Variants in TP53INP2 observed in about 807,000 individuals in gnomAD.
TP53INP2 encodes tumor protein p53-inducible nuclear protein 2.
A neutral mutation model predicts 17.1 loss-of-function variants in TP53INP2; 12 were observed. The observed-to-expected ratio is 0.70, with a 90% CI of 0.45 to 1.14. The LOEUF (loss-of-function observed/expected upper bound fraction) is 1.14. TP53INP2 is among the 50% of genes most tolerant of loss of function. The probability of loss-of-function intolerance (pLI) is 0.00; values close to 1 mark genes in which losing one functional copy is unlikely to be tolerated. For missense variants in TP53INP2, 342 were observed against 330.9 expected (o/e 1.03, Z -0.26); for synonymous variants, 145 against 147.3 (o/e 0.98, Z 0.12).
rs1481363308 is a variant in TP53INP2 at position 34,709,263 on chromosome 20, G to A, written c.152G>A (p.Gly51Glu). ...AGCTACGCGGCTCCACCCAGCCCCG[G>A]GGCCGCCCCTGCCCCCGCGGGCCGC... ...PDSYAAPPSP[G>E]AAPAPAGRPP... Residue 51 changes from glycine to glutamate, a missense_variant, in exon 4 of 5, where the codon GGG becomes GAG. Transcript: ENST00000374810. This position sits in a 1 kb window ranked among gnomAD's most constrained non-coding sequence, Gnocchi z 5.4. 1.9e-6 allele frequency: 3 copies of A among 1,584,852 alleles called. No individual in the cohort carries two copies. The highest frequency in any genetic ancestry group is 2.6e-6 in the Non-Finnish European group (3 of 1,165,512).
rs944278446 is a variant in TP53INP2 at position 34,712,508 on chromosome 20, G to A, written c.*2201G>A. The A allele has an allele frequency of 5.9e-5, 9 of 152,542 alleles. No homozygotes were observed. Among genetic ancestry groups the A allele is most frequent in the Admixed American group, 5.2e-4 (8 of 15,280 alleles). The allele number at this position is 152,542 out of a possible 1,614,324, so 9.4% of individuals were successfully genotyped here. A position where few individuals can be genotyped will look rare whatever the true frequency, so the allele number is the denominator to read the frequency against. On this transcript the variant is annotated 3_prime_UTR_variant, in exon 5 of 5. Transcript: ENST00000374810. Reference sequence around the variant, plus strand: ...TTGTACCTTTCCTATAGATTCTGTAGCATTTGAGTGTGGCAATATTTTAAT... The same window carrying A: ...TTGTACCTTTCCTATAGATTCTGTAACATTTGAGTGTGGCAATATTTTAAT...
chr20:34,712,013 G>GA lies in TP53INP2; in HGVS notation c.*1708dup, dbSNP rs1162159982. On this transcript the variant is annotated 3_prime_UTR_variant, in exon 5 of 5. Transcript: ENST00000374810. ...CCAGGCCTCATGGGGGGTATGTGGG[G>GA]AAGGGATGGGGTATCCCCATGGATG... The GA allele has an allele frequency of 4.6e-5, 7 of 152,798 alleles. No individual in the cohort carries two copies. Among genetic ancestry groups the GA allele is most frequent in the African/African-American group, 1.4e-4 (6 of 41,572 alleles). 9.5% of individuals were successfully genotyped at this position (152,798 alleles called of 1,614,324 possible). A position where few individuals can be genotyped will look rare whatever the true frequency, so the allele number is the denominator to read the frequency against.
In TP53INP2 at chr20:34,709,361, C is replaced by T. The variant is rs1988096894; in HGVS notation, c.250C>T (p.Pro84Ser). The change falls in exon 4 of 5, where the codon CCT becomes TCT. Residue 84 changes from proline (P) to serine (S), a missense_variant. Coordinates refer to ENST00000374810, the MANE Select transcript of TP53INP2 (RefSeq NM_021202.3). This position sits in a 1 kb window ranked among gnomAD's most constrained non-coding sequence, Gnocchi z 5.4. ...TCCCGCCTGTTTTACGGCAGAGGGGCCTGGACTCGGTCCCGCCCGCCTCCA... is the reference window on the plus strand; with the variant it reads ...TCCCGCCTGTTTTACGGCAGAGGGGTCTGGACTCGGTCCCGCCCGCCTCCA... ...TPPACFTAEG[P>S]GLGPARLQSS... The T allele has an allele frequency of 6.2e-7, 1 of 1,613,544 alleles. No individual in the cohort carries two copies. Among genetic ancestry groups the T allele is most frequent in the Non-Finnish European group, 8.5e-7 (1 of 1,179,852 alleles).
At chr20:34,705,748 G>A (rs763542028) in intron 2 of TP53INP2, among the ~76,000 whole-genome samples, 1 of 152,162 alleles carries the variant, frequency 6.6e-6, no homozygotes, top group Non-Finnish European at 1.5e-5. Context: ...CATTCCTGCT[G>A]GGAGTTTGCT....
At position 34,708,885 on chromosome 20, in the gene TP53INP2, T is replaced by C. The variant is rs776671999; in HGVS notation, c.124+22T>C. ...CCGGGTGAGGCCTGGGTCTGTCTCC[T>C]GGGCCTGTGAAGTCATTCTAAGGGC... On this transcript the variant is annotated intron_variant, in intron 3 of 4. Coordinates refer to ENST00000374810, the MANE Select transcript of TP53INP2 (RefSeq NM_021202.3). 8.7e-6 allele frequency: 14 copies of C among 1,610,014 alleles called. No individual in the cohort carries two copies. The Admixed American group carries it at 1.8e-4, about 21-fold the overall frequency.
chr20:34,709,380 G>T lies in TP53INP2; in HGVS notation c.269G>T (p.Arg90Leu), dbSNP rs143925581. 5.6e-4 allele frequency: 908 copies of T among 1,613,812 alleles called. 3 individuals carry two copies. The African/African-American group carries it at 0.011, about 19-fold the overall frequency. ...TAEGPGLGPA[R>L]LQSSPLEDLL... The stretch of plus-strand genomic sequence containing the variant: ...GAGGGGCCTGGACTCGGTCCCGCCC[G>T]CCTCCAGAGCAGTCCCCTGGAGGAC... The change falls in exon 4 of 5, where the codon CGC becomes CTC. Residue 90 changes from arginine to leucine, a missense_variant. Physicochemically the swap from Arg to Leu is moderately radical, Grantham distance 102. Transcript: ENST00000374810. The surrounding 1 kb of genome is among the most constrained non-coding windows in gnomAD (Gnocchi z 5.4).
Position 34,710,164 on chromosome 20 carries a change from C to T in TP53INP2, c.520C>T (p.Arg174Trp). ...EKAGQVRRLQRARQRAERHAL... is the reference protein window; with the variant it reads ...EKAGQVRRLQWARQRAERHAL... ...GGCGGGCCAGGTGCGGCGGCTGCAGCGGGCCCGGCAGCGGGCAGAGCGCCA... is the reference window on the plus strand; with the variant it reads ...GGCGGGCCAGGTGCGGCGGCTGCAGTGGGCCCGGCAGCGGGCAGAGCGCCA... The change falls in exon 5 of 5, where the codon CGG (arginine) becomes TGG (tryptophan). Residue 174 changes from arginine (R) to tryptophan (W), a missense_variant. Coordinates refer to ENST00000374810, the MANE Select transcript of TP53INP2 (RefSeq NM_021202.3). The surrounding 1 kb of genome is among the most constrained non-coding windows in gnomAD (Gnocchi z 4.9). 3.1e-6 allele frequency: 4 copies of T among 1,296,246 alleles called. No homozygotes were observed. Among genetic ancestry groups the T allele is most frequent in the Admixed American group, 3.6e-5 (1 of 27,494 alleles). The allele number at this position is 1,296,246 out of a possible 1,614,324, so 80.3% of individuals were successfully genotyped here.
At chr20:34,708,005 C>T (rs1013342274) in intron 2 of TP53INP2, among the ~76,000 whole-genome samples, 4 of 152,206 alleles carry the variant, frequency 2.6e-5, no homozygotes, top group Non-Finnish European at 5.9e-5. Context: ...AAGTGATTCA[C>T]CCACTTCTGC....
rs773459655 is a variant in TP53INP2 at position 34,710,071 on chromosome 20, G to A, written c.427G>A (p.Ala143Thr). 1.2e-5 allele frequency: 15 copies of A among 1,249,474 alleles called. No homozygotes were observed. Among genetic ancestry groups the A allele is most frequent in the Non-Finnish European group, 1.5e-5 (15 of 1,001,538 alleles). 77.4% of individuals were successfully genotyped at this position (1,249,474 alleles called of 1,614,324 possible). A position where few individuals can be genotyped will look rare whatever the true frequency, so the allele number is the denominator to read the frequency against. Residue 143 changes from alanine to threonine, a missense_variant, in exon 5 of 5, where the codon GCC (alanine) becomes ACC (threonine). Physicochemically the swap from Ala to Thr is moderately conservative, Grantham distance 58 (BLOSUM62 0). Coordinates refer to ENST00000374810, the MANE Select transcript of TP53INP2 (RefSeq NM_021202.3). The surrounding 1 kb of genome is among the most constrained non-coding windows in gnomAD (Gnocchi z 4.9). ...CTGTCCTCACAGGGAATTGACGCCC[G>A]CCCGCCGCGAGCCGCGGGCCGCGCG... ...GDLSEGELTP[A>T]RREPRAARHA...
In TP53INP2 at chr20:34,709,608, G is replaced by C. The variant is rs1055060378; in HGVS notation, c.413+84G>C. 6.8e-7 allele frequency: 1 copy of C among 1,467,858 alleles called. No homozygotes were observed. Among genetic ancestry groups the C allele is most frequent in the Admixed American group, 2.6e-5 (1 of 38,388 alleles). 90.9% of individuals were successfully genotyped at this position (1,467,858 alleles called of 1,614,324 possible). ...TCCAGGCTAGGAGGCTGGGGTAGTGGGGCCAGGAGCCCGCCCCGCGCTCGA... is the reference window on the plus strand; with the variant it reads ...TCCAGGCTAGGAGGCTGGGGTAGTGCGGCCAGGAGCCCGCCCCGCGCTCGA... On this transcript the variant is annotated intron_variant, in intron 4 of 4. Transcript: ENST00000374810. The surrounding 1 kb of genome is among the most constrained non-coding windows in gnomAD (Gnocchi z 5.4).
chr20:34,709,558 G>C lies in TP53INP2; in HGVS notation c.413+34G>C, dbSNP rs1451529774. 1.3e-6 allele frequency: 2 copies of C among 1,581,742 alleles called. No individual in the cohort carries two copies. The highest frequency in any genetic ancestry group is 1.7e-6 in the Non-Finnish European group (2 of 1,170,578). ...GCCGGGGGCGGAGCCTGGAGGCCCA[G>C]GGAGACGGATCTTGGAGGCCAGGGT... On this transcript the variant is annotated intron_variant, in intron 4 of 4. Coordinates refer to ENST00000374810, the MANE Select transcript of TP53INP2 (RefSeq NM_021202.3). The surrounding 1 kb of genome is among the most constrained non-coding windows in gnomAD (Gnocchi z 5.4).
rs1040314328 is a variant in TP53INP2 at position 34,709,135 on chromosome 20, C to T, written c.125-101C>T. On this transcript the variant is annotated intron_variant, in intron 3 of 4. Coordinates refer to ENST00000374810, the MANE Select transcript of TP53INP2 (RefSeq NM_021202.3). The surrounding 1 kb of genome is among the most constrained non-coding windows in gnomAD (Gnocchi z 5.4). Reference sequence around the variant, plus strand: ...GGGCTGCGGGTCTGACTAACGATGCCCTTTCTCTCCCCGCCCCCTTGTCCG... The same window carrying T: ...GGGCTGCGGGTCTGACTAACGATGCTCTTTCTCTCCCCGCCCCCTTGTCCG... 16 of 1,450,966 alleles carry T rather than the reference C, an allele frequency of 1.1e-5. No homozygotes were observed. Among genetic ancestry groups the T allele is most frequent in the Non-Finnish European group, 1.4e-5 (16 of 1,105,422 alleles). The allele number at this position is 1,450,966 out of a possible 1,614,324, so 89.9% of individuals were successfully genotyped here.
rs1402553946 is a variant in TP53INP2 at position 34,713,383 on chromosome 20, T to C, written c.*3076T>C. The stretch of plus-strand genomic sequence containing the variant: ...GTTAGACTGTAATGCTATTCCTCTA[T>C]GGGAGAAAAAAATTAATATAAAGAA... On this transcript the variant is annotated 3_prime_UTR_variant, in exon 5 of 5. Transcript: ENST00000374810. 1 of 152,574 alleles carries C rather than the reference T, an allele frequency of 6.6e-6. No individual in the cohort carries two copies. The highest frequency in any genetic ancestry group is 1.5e-5 in the Non-Finnish European group (1 of 68,040). 9.5% of individuals were successfully genotyped at this position (152,574 alleles called of 1,614,324 possible).
intron 2 of TP53INP2, among the ~76,000 whole-genome samples, chr20:34,705,953 G>T (rs775202588): frequency 6.6e-6 from 1 of 152,164 alleles, no homozygotes; most frequent in Non-Finnish European, 1.5e-5. Flanking sequence ...TGGCTGGCTG[G>T]TGACTGCTTT....
chr20:34,708,772 C>T lies in TP53INP2; in HGVS notation c.33C>T (p.Ser11=), dbSNP rs145363598. The change falls in exon 3 of 5, where the codon AGC becomes AGT. Residue 11 remains serine, a synonymous_variant. Transcript: ENST00000374810. ...AGCGCCTCTCCAGCCTCTTCTTCAG[C>T]ACCCCCTCGCCCCCCGAAGACCCCG... MFQRLSSLFF[S]TPSPPEDPDC... 73 of 1,597,720 alleles carry T rather than the reference C, an allele frequency of 4.6e-5. No individual in the cohort carries two copies. The African/African-American group carries it at 8.7e-4, about 19-fold the overall frequency.
chr20:34,705,772 G>A (rs944708750), intron 2 of TP53INP2, among the ~76,000 whole-genome samples: 1 of 152,166 alleles, frequency 6.6e-6, no homozygotes, highest in African/African-American at 2.4e-5. Flanking sequence ...GGATGGGCTG[G>A]GGGTAGGGGT....
Position 34,709,575 on chromosome 20 carries a change from G to A in TP53INP2, c.413+51G>A. On this transcript the variant is annotated intron_variant, in intron 4 of 4. Transcript: ENST00000374810. This position sits in a 1 kb window ranked among gnomAD's most constrained non-coding sequence, Gnocchi z 5.4. ...GAGGCCCAGGGAGACGGATCTTGGA[G>A]GCCAGGGTCCAGGCTAGGAGGCTGG... The A allele has an allele frequency of 6.4e-7, 1 of 1,555,268 alleles. No homozygotes were observed. Among genetic ancestry groups the A allele is most frequent in the Non-Finnish European group, 8.6e-7 (1 of 1,158,194 alleles).
At chr20:34,708,276 T>A (rs1988045580) in intron 2 of TP53INP2, among the ~76,000 whole-genome samples, 1 of 152,208 alleles carries the variant, frequency 6.6e-6, no homozygotes, top group Non-Finnish European at 1.5e-5. Flanking sequence ...CCCAGACAGT[T>A]CTAAGCACTT....
chr20:34,706,848 A>T (rs754205489), intron 2 of TP53INP2, among the ~76,000 whole-genome samples: 5 of 152,190 alleles, frequency 3.3e-5, no homozygotes, highest in Non-Finnish European at 7.4e-5. Flanking sequence ...AAGTGTGGAA[A>T]CACCCTTAGA....
Sources: gnomAD v4.1 joint callset for allele counts (sites outside exome capture counted in the v4.1 genomes callset) on GRCh38, gnomAD v4.1.1 for gene constraint, Gnocchi (gnomAD v3.1) non-coding constraint, MANE v1.5 for transcripts, NCBI Gene and HGNC (gene_info 2026-07-23, HGNC 2026-07-21) for gene names.